Variants in OSTN observed in about 807,000 individuals in gnomAD.
OSTN encodes the protein osteocrin.
A neutral mutation model predicts 12.0 loss-of-function variants in OSTN; 9 were observed. The ratio of observed to expected loss-of-function variants is 0.75; its 90% CI spans 0.45 to 1.30. The LOEUF (loss-of-function observed/expected upper bound fraction) is 1.30, where lower values mean the gene tolerates loss of function less well. Among genes scored for constraint, OSTN ranks in the 50% most tolerant of loss-of-function variants. The pLI is 0.00. For missense variants in OSTN, 148 were observed against 152.3 expected, an observed-to-expected ratio of 0.97 and a Z score of 0.15; for synonymous variants, 59 against 56.9, an observed-to-expected ratio of 1.04 and a Z score of -0.16.
chr3:191,201,024 T>G (rs1560110781), intron 1 of OSTN, among the ~76,000 whole-genome samples: 2 of 152,212 alleles, frequency 1.3e-5, no homozygotes, highest in Non-Finnish European at 2.9e-5. Context: ...AGGTGCTAAC[T>G]CTGGGTATCT....
chr3:191,248,725 C>G (rs971846204), intron 3 of OSTN, among the ~76,000 whole-genome samples: 2 of 152,102 alleles, frequency 1.3e-5, no homozygotes, highest in Non-Finnish European at 2.9e-5. Context: ...GATGAAGGAT[C>G]GCTTGTGCTC....
At chr3:191,204,496 C>A (rs1268651099) in intron 1 of OSTN, among the ~76,000 whole-genome samples, 2 of 152,036 alleles carry the variant, frequency 1.3e-5, no homozygotes, top group African/African-American at 4.8e-5. Flanking sequence ...TATGAAGATC[C>A]CAAACTTCTT....
At chr3:191,260,597 G>A (rs748170812) in intron 4 of OSTN, among the ~76,000 whole-genome samples, 17 of 152,084 alleles carry the variant, frequency 1.1e-4, no homozygotes, top group Admixed American at 2.0e-4. Flanking sequence ...CTTATGGACA[G>A]GACTTCTTAT....
intron 3 of OSTN, among the ~76,000 whole-genome samples, chr3:191,228,366 C>G (rs998869283): frequency 1.3e-5 from 2 of 152,096 alleles, no homozygotes; most frequent in Non-Finnish European, 2.9e-5. Context: ...TTGGCATTGA[C>G]AGAAAAAGTG....
At chr3:191,210,370 G>A (rs1714389353) in intron 1 of OSTN, among the ~76,000 whole-genome samples, 2 of 152,146 alleles carry the variant, frequency 1.3e-5, no homozygotes, top group South Asian at 4.1e-4. Flanking sequence ...CAAGGAAAGA[G>A]CCACAGTAAC....
At chr3:191,223,767 A>C (rs1714832092) in intron 3 of OSTN, among the ~76,000 whole-genome samples, 1 of 152,140 alleles carries the variant, frequency 6.6e-6, no homozygotes, top group Non-Finnish European at 1.5e-5. Context: ...GCACGATAAA[A>C]TAGAATACAG....
intron 4 of OSTN, among the ~76,000 whole-genome samples, chr3:191,257,027 T>A (rs1715687585): frequency 6.6e-6 from 1 of 151,464 alleles, no homozygotes; most frequent in Admixed American, 6.6e-5. Context: ...TACAAAAAAG[T>A]TTTTTTAAAT....
Position 191,233,711 on chromosome 3 carries a change from C to T in OSTN, c.317+14750C>T, listed in dbSNP as rs537598499. ...ACTCTTTAACATTAGAAGATATTGA[C>T]GGCCAGGCACTGTGGCTCATGCCCT... On this transcript the variant is annotated intron_variant, in intron 3 of 4. Coordinates refer to ENST00000682035, the MANE Select transcript of OSTN (RefSeq NM_198184.2). 2.4e-4 allele frequency among the ~76,000 whole-genome samples: 36 copies of T among 152,238 alleles called. No homozygotes were observed. In the East Asian group the frequency reaches 6.0e-3, roughly 25 times the overall value.
chr3:191,206,188 GAA>G lies in OSTN; in HGVS notation c.1-6331_1-6330del, dbSNP rs35445444. On this transcript the variant is annotated intron_variant, in intron 1 of 4. Coordinates refer to ENST00000682035, the MANE Select transcript of OSTN (RefSeq NM_198184.2). ...GCAACAAGAGCGAAACTCCATCTCA[GAA>G]AAAAAAAAAAAAATCCTAAGTAAAC... 1.4e-3 allele frequency among the ~76,000 whole-genome samples: 181 copies of G among 129,424 alleles called. 1 individual carries two copies. Among genetic ancestry groups the G allele is most frequent in the Middle Eastern group, 4.0e-3 (1 of 248 alleles). 84.9% of individuals were successfully genotyped at this position (129,424 alleles called of 152,430 possible).
At chr3:191,220,647 A>T (rs1382709000) in intron 3 of OSTN, among the ~76,000 whole-genome samples, 1 of 152,172 alleles carries the variant, frequency 6.6e-6, no homozygotes, top group African/African-American at 2.4e-5. Context: ...GTATATCAAA[A>T]ATAAATATAT....
intron 3 of OSTN, among the ~76,000 whole-genome samples, chr3:191,247,201 C>A (rs569035697): frequency 6.6e-6 from 1 of 152,212 alleles, no homozygotes; most frequent in East Asian, 1.9e-4. Context: ...TATAATTACA[C>A]CAAAGACATA....
chr3:191,207,465 C>A (rs1233644724), intron 1 of OSTN, among the ~76,000 whole-genome samples: 4 of 151,564 alleles, frequency 2.6e-5, no homozygotes, highest in African/African-American at 9.7e-5. Context: ...TGCATGAGAT[C>A]AGATACTGGC....
At chr3:191,207,476 T>G (rs1412875441) in intron 1 of OSTN, among the ~76,000 whole-genome samples, 1 of 152,166 alleles carries the variant, frequency 6.6e-6, no homozygotes, top group Non-Finnish European at 1.5e-5. Context: ...AGATACTGGC[T>G]TACATTGCTT....
At chr3:191,242,460 C>T (rs567559332) in intron 3 of OSTN, among the ~76,000 whole-genome samples, 5 of 152,204 alleles carry the variant, frequency 3.3e-5, no homozygotes, top group South Asian at 4.1e-4. Context: ...TAGAACTTGA[C>T]GAGCTGAATC....
At chr3:191,259,087 C>T (rs748272677) in intron 4 of OSTN, among the ~76,000 whole-genome samples, 11 of 152,120 alleles carry the variant, frequency 7.2e-5, no homozygotes, top group African/African-American at 2.4e-4. Context: ...CTTCTGAGTC[C>T]CTTAAGGAGT....
intron 1 of OSTN, 40 bp downstream of exon 1, chr3:191,199,347 T>C (rs1714102740): frequency 6.6e-6 from 1 of 152,142 alleles, no homozygotes; most frequent in Admixed American, 6.5e-5. Flanking sequence ...TTAATGCTTC[T>C]TTTAACTATT....
intron 3 of OSTN, among the ~76,000 whole-genome samples, chr3:191,232,602 AT>A (rs150259369): frequency 0.19 from 26,464 of 142,616 alleles, 2,820 homozygotes; most frequent in Middle Eastern, 0.39. Context: ...TGACTAAATC[AT>A]TTTTTTTTTT....
At chr3:191,215,946 T>C (rs913682594) in intron 2 of OSTN, among the ~76,000 whole-genome samples, 2 of 152,116 alleles carry the variant, frequency 1.3e-5, no homozygotes, top group Non-Finnish European at 2.9e-5. Flanking sequence ...ACAGTGGGGA[T>C]TCTGTGTCAG....
intron 3 of OSTN, among the ~76,000 whole-genome samples, chr3:191,243,269 A>C (rs1715360003): frequency 6.6e-6 from 1 of 152,222 alleles, no homozygotes; most frequent in Non-Finnish European, 1.5e-5. Flanking sequence ...ATTAAGTATA[A>C]GCATAGCTGT....
Sources: allele counts gnomAD v4.1 joint callset (sites outside exome capture counted in the v4.1 genomes callset), GRCh38; gene constraint gnomAD v4.1.1; transcripts MANE v1.5; gene names NCBI Gene and HGNC (gene_info 2026-07-23, HGNC 2026-07-21).